PACS2: variants seen among roughly 807,000 people sequenced by gnomAD.
PACS2 encodes PACS1-like protein.
In PACS2, 36 loss-of-function variants were observed where a neutral mutation model predicts 113.0. The observed-to-expected ratio is 0.32, with a 90% CI of 0.24 to 0.42. The LOEUF (loss-of-function observed/expected upper bound fraction) is 0.42, where lower values mean the gene tolerates loss of function less well. PACS2 is among the 10% of genes least tolerant of loss of function. PACS2 has a pLI of 1.00. For synonymous variants in PACS2, 589 were observed against 536.1 expected, an observed-to-expected ratio of 1.10 and a Z score of -1.36; for missense variants, 1,015 against 1,239.5, an observed-to-expected ratio of 0.82 and a Z score of 2.72.
At chr14:105,368,352 T>TG (rs1436599343) in intron 6 of PACS2, 107 bp from the exon 7 acceptor site, 14 of 920,224 alleles carry the variant, frequency 1.5e-5, no homozygotes, top group Non-Finnish European at 2.5e-5. Context: ...GGGACACAGG[T>TG]GGGCTCTCAG....
At chr14:105,328,920 C>T (rs369487441) in intron 1 of PACS2, among the ~76,000 whole-genome samples, 100 of 152,332 alleles carry the variant, frequency 6.6e-4, no homozygotes, top group Middle Eastern at 6.8e-3. Flanking sequence ...TATTATTGAC[C>T]TAGAGAGAGA....
exon 1 of PACS2, chr14:105,300,803 C>T (rs2057983012): frequency 3.5e-6 from 1 of 289,094 alleles, no homozygotes; most frequent in Non-Finnish European, 5.5e-6. Context: ...CCGGGCCGCG[C>T]CGCCCGCAAC....
intron 1 of PACS2, among the ~76,000 whole-genome samples, chr14:105,306,936 A>G (rs2058204987): frequency 1.3e-5 from 2 of 151,934 alleles, no homozygotes; most frequent in Admixed American, 1.3e-4. Context: ...GTGCTTTGAC[A>G]TCTTGGGGTC....
chr14:105,350,336 G>C (rs1555403676), intron 2 of PACS2, among the ~76,000 whole-genome samples: 2 of 152,188 alleles, frequency 1.3e-5, no homozygotes, highest in African/African-American at 4.8e-5. Context: ...GTCTGGTGCT[G>C]TTGACCTCTA....
rs1055637125 is a variant in PACS2, at chr14:105,323,098, G to A, written c.119+8061G>A. ...TTGTGGTCATGTCATCGTTGCCAAC[G>A]GTCGTCTCATGGTGGGTCCTGGTGT... On this transcript the variant is annotated intron_variant, in intron 1 of 24. Coordinates refer to ENST00000447393, the MANE Select transcript of PACS2 (RefSeq NM_001100913.3). This position sits in a 1 kb window ranked among gnomAD's most constrained non-coding sequence, Gnocchi z 4.1. 2.0e-5 allele frequency among the ~76,000 whole-genome samples: 3 copies of A among 152,186 alleles called. No homozygotes were observed. Among genetic ancestry groups the A allele is most frequent in the South Asian group, 2.1e-4 (1 of 4,830 alleles).
rs183010102 is a variant in PACS2 at position 105,389,868 on chromosome 14, G to C, written c.2034-93G>C. The stretch of plus-strand genomic sequence containing the variant: ...CATCCGGCAGGGCCGCGGCCCCAGG[G>C]CTGCGCCAGGTTCTCAGGCCAAGAG... On this transcript the variant is annotated intron_variant, in intron 19 of 24. Coordinates refer to ENST00000447393, the MANE Select transcript of PACS2 (RefSeq NM_001100913.3). The C allele has an allele frequency of 1.5e-3, 1,739 of 1,171,236 alleles. 26 individuals are homozygous for C. The African/African-American group carries it at 0.023, about 16-fold the overall frequency. The allele number at this position is 1,171,236 out of a possible 1,614,324, so 72.6% of individuals were successfully genotyped here. A position where few individuals can be genotyped will look rare whatever the true frequency, so the allele number is the denominator to read the frequency against.
chr14:105,364,653 T>C (rs1483434018), intron 4 of PACS2, among the ~76,000 whole-genome samples: 4 of 151,326 alleles, frequency 2.6e-5, no homozygotes, highest in Non-Finnish European at 4.4e-5. Flanking sequence ...TTTATTGTAG[T>C]ATTTGTACAA....
intron 8 of PACS2, among the ~76,000 whole-genome samples, chr14:105,373,113 A>G (rs1180976590): frequency 6.6e-6 from 1 of 152,258 alleles, no homozygotes; most frequent in Non-Finnish European, 1.5e-5. Flanking sequence ...TCATATGTTC[A>G]TGAATTGGAA....
At chr14:105,343,225 T>C (rs989130759) in intron 1 of PACS2, among the ~76,000 whole-genome samples, 1 of 152,260 alleles carries the variant, frequency 6.6e-6, no homozygotes, top group Non-Finnish European at 1.5e-5. Context: ...CGTATCGATC[T>C]GTTCCTAGCT....
intron 1 of PACS2, among the ~76,000 whole-genome samples, chr14:105,331,389 G>A (rs114462226): frequency 0.021 from 3,171 of 152,158 alleles, 51 homozygotes; most frequent in Middle Eastern, 0.075. Flanking sequence ...TTTCCTCCTC[G>A]GAAATTAAGG....
At chr14:105,382,327 G>T in intron 13 of PACS2, 150 bp from the exon 14 acceptor site, 1 of 701,230 alleles carries the variant, frequency 1.4e-6, no homozygotes, top group East Asian at 2.5e-5. Flanking sequence ...ATTTAGCCCA[G>T]GGCAGTTCTC....
chr14:105,363,218 T>G (rs1197216741), intron 4 of PACS2, among the ~76,000 whole-genome samples: 2 of 152,254 alleles, frequency 1.3e-5, no homozygotes, highest in South Asian at 2.1e-4. Context: ...CTGCCTTCAC[T>G]CCTAACAAGA....
intron 1 of PACS2, among the ~76,000 whole-genome samples, chr14:105,347,762 T>C (rs996724749): frequency 6.6e-6 from 1 of 152,214 alleles, no homozygotes; most frequent in African/African-American, 2.4e-5. Flanking sequence ...CCCACACACC[T>C]TCAGGCATGG....
At position 105,379,783 on chromosome 14, in the gene PACS2, T is replaced by C. The variant is rs1555411442; in HGVS notation, c.1004T>C (p.Ile335Thr). Residue 335 changes from isoleucine to threonine, a missense_variant, in exon 10 of 25, where the codon ATT (isoleucine) becomes ACT (threonine). Physicochemically the swap from Ile to Thr is moderately conservative, Grantham distance 89. Around this residue, in one of 3 missense-constraint regions of PACS2, gnomAD observed 859 missense variants for 1,056.8 expected, o/e 0.81. Coordinates refer to ENST00000447393, the MANE Select transcript of PACS2 (RefSeq NM_001100913.3). ...TCGCACTCGAGCTCGCAGACGGAGA[T>C]TGGGAGCATCCACAGCGCCCGCAGC... ...GLSHSSSQTE[I>T]GSIHSARSHK... 6.2e-7 allele frequency: 1 copy of C among 1,613,278 alleles called. No individual in the cohort carries two copies. The highest frequency in any genetic ancestry group is 8.5e-7 in the Non-Finnish European group (1 of 1,179,970).
upstream of PACS2, among the ~76,000 whole-genome samples, chr14:105,311,653 G>A (rs1165001368): frequency 1.3e-5 from 2 of 152,102 alleles, no homozygotes; most frequent in Admixed American, 6.5e-5. Context: ...CTACAACCCC[G>A]GGGTTGATTC....
intron 1 of PACS2, among the ~76,000 whole-genome samples, chr14:105,322,044 T>C (rs2058911311): frequency 6.6e-6 from 1 of 151,528 alleles, no homozygotes; most frequent in Non-Finnish European, 1.5e-5. Context: ...TTCAAGCGAT[T>C]CTCCTGCCTC....
At position 105,330,688 on chromosome 14, in the gene PACS2, C is replaced by T. The variant is rs1474584241; in HGVS notation, c.119+15651C>T. On this transcript the variant is annotated intron_variant, in intron 1 of 24. Transcript: ENST00000447393. The surrounding 1 kb of genome is among the most constrained non-coding windows in gnomAD (Gnocchi z 6.9). Reference sequence around the variant, plus strand: ...ATCAGAATCCTGGGGCCCCACCCAACACCCACGCATTTCCTGTCTTTTCTC... The same window carrying T: ...ATCAGAATCCTGGGGCCCCACCCAATACCCACGCATTTCCTGTCTTTTCTC... Among the ~76,000 whole-genome samples, 1 of 152,252 alleles carries T rather than the reference C, an allele frequency of 6.6e-6. No individual in the cohort carries two copies. Among genetic ancestry groups the T allele is most frequent in the Non-Finnish European group, 1.5e-5 (1 of 68,038 alleles).
chr14:105,327,738 G>T (rs190668670), intron 1 of PACS2, among the ~76,000 whole-genome samples: 1 of 152,220 alleles, frequency 6.6e-6, no homozygotes, highest in Admixed American at 6.5e-5. Flanking sequence ...CAGAGATTGC[G>T]ACTGTGGCTC....
Position 105,344,838 on chromosome 14 carries a change from C to T in PACS2, c.120-3655C>T, listed in dbSNP as rs1482907487. ...CTTAAGATGGAACCTTAGGGCTGGG[C>T]GCAGTGGCCCAGTAATCCCAGCACT... On this transcript the variant is annotated intron_variant, in intron 1 of 24. Transcript: ENST00000447393. Among the ~76,000 whole-genome samples the T allele has an allele frequency of 2.0e-5, 3 of 152,126 alleles. No individual in the cohort carries two copies. The South Asian group carries it at 6.2e-4, about 31-fold the overall frequency.
Sources: allele counts gnomAD v4.1 joint callset (sites outside exome capture counted in the v4.1 genomes callset), GRCh38; gene constraint gnomAD v4.1.1; regional missense constraint gnomAD v4.1.1; non-coding constraint Gnocchi (gnomAD v3.1); transcripts MANE v1.5; gene names NCBI Gene and HGNC (gene_info 2026-07-23, HGNC 2026-07-21).